C9orf78: variants seen among roughly 807,000 people sequenced by gnomAD.
The protein encoded by C9orf78 is splicing factor C9orf78.
A neutral mutation model predicts 37.4 loss-of-function variants in C9orf78; 19 were observed. The observed-to-expected ratio is 0.51, with a 90% CI of 0.35 to 0.74. The LOEUF is 0.74. Ranked by LOEUF, C9orf78 falls within the 30% of genes least tolerant of loss-of-function variation. C9orf78 has a pLI of 0.01. For synonymous variants in C9orf78, 130 were observed against 128.0 expected, an observed-to-expected ratio of 1.02 and a Z score of -0.10; for missense variants, 291 against 370.8, an observed-to-expected ratio of 0.78 and a Z score of 1.77.
chr9:129,834,875 G>GTGCTGGTGGCTCAGT, intron 1 of C9orf78, 109 bp from the exon 2 acceptor site: 2 of 873,108 alleles, frequency 2.3e-6, no homozygotes, highest in East Asian at 2.4e-5. Context: ...CCCAGCTACT[G>GTGCTGGTGGCTCAGT]AGCCACCAGC....
At position 129,829,069 on chromosome 9, in the gene C9orf78, G is replaced by A. The variant is rs778389912; in HGVS notation, c.778+136C>T. 1.4e-5 allele frequency: 10 copies of A among 716,632 alleles called. 1 individual carries two copies. The Admixed American group carries it at 1.8e-4, about 13-fold the overall frequency. The allele number at this position is 716,632 out of a possible 1,614,324, so 44.4% of individuals were successfully genotyped here. ...AGAAAGGGGAAGGCACATAGTCATGGTCCAGAGCATGGACTGGAACCCATA... is the reference window on the plus strand; with the variant it reads ...AGAAAGGGGAAGGCACATAGTCATGATCCAGAGCATGGACTGGAACCCATA... On this transcript the variant is annotated intron_variant, in intron 8 of 8. Transcript: ENST00000372447.
chr9:129,833,509 G>A lies in C9orf78; in HGVS notation c.204C>T (p.Pro68=). 1 of 1,602,520 alleles carries A rather than the reference G, an allele frequency of 6.2e-7. No homozygotes were observed. The highest frequency in any genetic ancestry group is 8.6e-7 in the Non-Finnish European group (1 of 1,169,504). ...CCATACCACCTGTCTTCATCTGAAA[G>A]GGATCATCCTGCAGAAAGCAAACAC... ...VQEETTLVDD[P]FQMKTGGMVD... is the part of the protein sequence containing the mutation. Residue 68 remains proline, a synonymous_variant, in exon 4 of 9, where the codon CCC becomes CCT. Transcript: ENST00000372447.
chr9:129,833,463 C>G lies in C9orf78; in HGVS notation c.250G>C (p.Glu84Gln). Residue 84 changes from glutamate (E) to glutamine (Q), a missense_variant, in exon 4 of 9, where the codon GAA (glutamate) becomes CAA (glutamine). By Grantham distance (29) the Glu-to-Gln change is conservative. This residue lies in a region of C9orf78 where 158 missense variants were observed against 174.8 expected (regional missense o/e 0.90). Transcript: ENST00000372447. ...TGAACTTACTTATCTTTGCCCCTTT[C>G]CTTCAGTTTCTTCATATCCACCATA... ...GGMVDMKKLK[E>Q]RGKDKISEEE... 1 of 1,599,302 alleles carries G rather than the reference C, an allele frequency of 6.3e-7. No individual in the cohort carries two copies. Among genetic ancestry groups the G allele is most frequent in the Middle Eastern group, 1.7e-4 (1 of 6,026 alleles).
intron 3 of C9orf78, 51 bp from the exon 4 acceptor site, chr9:129,833,568 G>T: frequency 6.8e-7 from 1 of 1,479,474 alleles, no homozygotes; most frequent in Non-Finnish European, 9.5e-7. Flanking sequence ...CATGGTAGTG[G>T]AATTTTTTTT....
chr9:129,829,466 T>C lies in C9orf78; in HGVS notation c.618A>G (p.Lys206=). The C allele has an allele frequency of 1.2e-6, 2 of 1,614,132 alleles. No homozygotes were observed. Among genetic ancestry groups the C allele is most frequent in the Non-Finnish European group, 1.7e-6 (2 of 1,180,000 alleles). ...TAGGCACGAAGGAGGTCTCGCTGTC[T>C]TTCTTCTTGTTCTGCTGCTCTGCCA... ...RLLAEQQNKK[K]DSETSFVPTN... is the part of the protein sequence containing the mutation. Residue 206 remains lysine, a synonymous_variant, in exon 7 of 9, where the codon AAA becomes AAG. Transcript: ENST00000372447.
chr9:129,835,112 C>T (rs749025411), intron 1 of C9orf78, 27 bp downstream of exon 1: 6 of 1,558,998 alleles, frequency 3.8e-6, no homozygotes, highest in Admixed American at 1.7e-5. Flanking sequence ...CTTTACCAAG[C>T]CTATGGGAGC....
chr9:129,835,187 C>G lies in C9orf78; in HGVS notation c.35G>C (p.Arg12Pro). 6.2e-7 allele frequency: 1 copy of G among 1,610,146 alleles called. No homozygotes were observed. The highest frequency in any genetic ancestry group is 8.5e-7 in the Non-Finnish European group (1 of 1,178,796). Residue 12 changes from arginine to proline, a missense_variant, in exon 1 of 9, where the codon CGG becomes CCG. Arg to Pro is a moderately radical substitution (Grantham distance 103). Around this residue, in one of 3 missense-constraint regions of C9orf78, gnomAD observed 158 missense variants for 174.8 expected, o/e 0.90. Coordinates refer to ENST00000372447, the MANE Select transcript of C9orf78 (RefSeq NM_016520.3). ...ATCTTCCTCTGACTCCGAGTCGCCCCGGCGGCGACGGAAAATCTTCCGGAC... is the reference window on the plus strand; with the variant it reads ...ATCTTCCTCTGACTCCGAGTCGCCCGGGCGGCGACGGAAAATCTTCCGGAC... Reference protein sequence around the residue: ...PVVRKIFRRRRGDSESEEDEQ... With the variant: ...PVVRKIFRRRPGDSESEEDEQ...
At chr9:129,834,498 A>C in intron 2 of C9orf78, 2 of 510,842 alleles carry the variant, frequency 3.9e-6, no homozygotes, top group Non-Finnish European at 6.9e-6. Context: ...CTGTTTCTGT[A>C]TCTCTGGAGC....
At chr9:129,828,351 A>G (rs1185911221) in intron 8 of C9orf78, 99 bp from the exon 9 acceptor site, 1 of 736,940 alleles carries the variant, frequency 1.4e-6, no homozygotes, top group African/African-American at 1.7e-5. Flanking sequence ...TTCCTTCCCC[A>G]CAGGAGCCCC....
rs761390965 is a variant in C9orf78 at position 129,835,042 on chromosome 9, TCA to T, written c.83+95_83+96del. 3.2e-5 allele frequency: 32 copies of T among 1,004,766 alleles called. 1 individual carries two copies. The highest frequency in any genetic ancestry group is 4.7e-5 in the Non-Finnish European group (30 of 644,254). 62.2% of individuals were successfully genotyped at this position (1,004,766 alleles called of 1,614,324 possible). ...CCGCAGAAGGAACCACCACCCGAGC[TCA>T]CAGTTAACAATGTCAGCGAAGCGCC... is the stretch of plus-strand genomic sequence containing the variant. On this transcript the variant is annotated intron_variant, in intron 1 of 8. Transcript: ENST00000372447.
Position 129,835,218 on chromosome 9 carries a change from G to A in C9orf78, c.4C>T (p.Pro2Ser). ...CGACGGAAAATCTTCCGGACGACCG[G>A]CATGGTGACAACGGCCGAGTTGTAC... M[P>S]VVRKIFRRRR... The change falls in exon 1 of 9, where the codon CCG becomes TCG. Residue 2 changes from proline (P) to serine (S), a missense_variant. Pro to Ser is a moderately conservative substitution (Grantham distance 74). This residue lies in a region of C9orf78 where 158 missense variants were observed against 174.8 expected (regional missense o/e 0.90). Coordinates refer to ENST00000372447, the MANE Select transcript of C9orf78 (RefSeq NM_016520.3). 1.2e-6 allele frequency: 2 copies of A among 1,608,012 alleles called. No homozygotes were observed. The highest frequency in any genetic ancestry group is 1.1e-5 in the South Asian group (1 of 90,962).
chr9:129,835,002 C>A, intron 1 of C9orf78, 137 bp downstream of exon 1: 1 of 777,518 alleles, frequency 1.3e-6, no homozygotes, highest in South Asian at 1.6e-5. Context: ...ACCCCTTGAG[C>A]CTCAATTTCT....
chr9:129,828,368 T>C, intron 8 of C9orf78, 116 bp from the exon 9 acceptor site: 2 of 686,300 alleles, frequency 2.9e-6, no homozygotes, highest in South Asian at 2.9e-5. Context: ...CCCCAGCGCC[T>C]AACCCAGTGA....
At chr9:129,829,367 A>T (rs1411948861) in intron 7 of C9orf78, 38 bp downstream of exon 7, 2 of 1,605,292 alleles carry the variant, frequency 1.2e-6, no homozygotes, top group Admixed American at 3.4e-5. Flanking sequence ...CAGCCCAAAT[A>T]GGGGAATGGG....
Position 129,830,744 on chromosome 9 carries a change from T to C in C9orf78, c.542+127A>G, listed in dbSNP as rs533922046. 6.8e-5 allele frequency: 47 copies of C among 692,596 alleles called. No individual in the cohort carries two copies. The South Asian group carries it at 7.5e-4, about 11-fold the overall frequency. The allele number at this position is 692,596 out of a possible 1,614,324, so 42.9% of individuals were successfully genotyped here. ...CCGGGCTGGTCTTGAACTCCTGACC[T>C]CGTGATCCACCCGCCTCAGCCTCCC... On this transcript the variant is annotated intron_variant, in intron 6 of 8. Transcript: ENST00000372447.
Position 129,831,993 on chromosome 9 carries a change from A to AGGCAGAGCTTTC in C9orf78, c.267-32_267-21dup. 8.1e-7 allele frequency: 1 copy of AGGCAGAGCTTTC among 1,236,638 alleles called. No individual in the cohort carries two copies. The highest frequency in any genetic ancestry group is 1.2e-6 in the Non-Finnish European group (1 of 835,516). 76.6% of individuals were successfully genotyped at this position (1,236,638 alleles called of 1,614,324 possible). On this transcript the variant is annotated intron_variant, in intron 4 of 8. Coordinates refer to ENST00000372447, the MANE Select transcript of C9orf78 (RefSeq NM_016520.3). ...CTGATCCTGGAGGGAGAGAACAATG[A>AGGCAGAGCTTTC]GGCAGAGCTTTCAAGTCACAACTCA...
intron 4 of C9orf78, among the ~76,000 whole-genome samples, chr9:129,833,102 C>CTTTTT (rs781471026): frequency 6.1e-5 from 8 of 130,612 alleles, no homozygotes; most frequent in East Asian, 2.2e-4. Flanking sequence ...TACATACACA[C>CTTTTT]TTTTTTTTTT....
intron 8 of C9orf78, 126 bp downstream of exon 8, chr9:129,829,079 T>C (rs902913830): frequency 1.4e-6 from 1 of 726,650 alleles, no homozygotes. Context: ...GTCCAGAGCA[T>C]GGACTGGAAC....
intron 5 of C9orf78, chr9:129,831,409 C>G (rs990873877): frequency 1.7e-5 from 5 of 299,672 alleles, no homozygotes; most frequent in Non-Finnish European, 3.1e-5. Flanking sequence ...ATGAAACCAC[C>G]TTTGAAAACA....
Sources: gnomAD v4.1 joint callset for allele counts (sites outside exome capture counted in the v4.1 genomes callset) on GRCh38, gnomAD v4.1.1 for gene constraint, gnomAD v4.1.1 regional missense constraint, MANE v1.5 for transcripts, NCBI Gene and HGNC (gene_info 2026-07-23, HGNC 2026-07-21) for gene names.